Variants in PCDHGA1 observed in about 807,000 individuals in gnomAD.
The protein encoded by PCDHGA1 is protocadherin gamma subfamily A, 1.
PCDHGA1 carries 32 observed loss-of-function variants against 58.0 expected under a neutral mutation model. The ratio of observed to expected loss-of-function variants is 0.55; its 90% CI spans 0.42 to 0.74. PCDHGA1 has a LOEUF of 0.74. Among genes scored for constraint, PCDHGA1 ranks in the 30% least tolerant of loss-of-function variants. PCDHGA1 has a pLI of 0.00. For synonymous variants in PCDHGA1, 498 were observed against 501.1 expected, an observed-to-expected ratio of 0.99 and a Z score of 0.08; for missense variants, 1,205 against 1,182.3, an observed-to-expected ratio of 1.02 and a Z score of -0.28.
chr5:141,509,051 A>G (rs1051961974), intron 3 of PCDHGA1, among the ~76,000 whole-genome samples: 1 of 152,166 alleles, frequency 6.6e-6, no homozygotes, highest in Admixed American at 6.5e-5. Context: ...CCCCGCCCCC[A>G]GAAAGCTCTC....
intron 1 of PCDHGA1, chr5:141,419,942 G>A: frequency 6.2e-7 from 1 of 1,614,070 alleles, no homozygotes. Context: ...CCTGGTGGTG[G>A]CCTTGGCCTT....
At position 141,361,155 on chromosome 5, in the gene PCDHGA1, C is replaced by A. The variant is rs760085788; in HGVS notation, c.2421+28050C>A. On this transcript the variant is annotated intron_variant, in intron 1 of 3. Coordinates refer to ENST00000517417, the MANE Select transcript of PCDHGA1 (RefSeq NM_018912.3). Reference sequence around the variant, plus strand: ...GTATCCAAGTTGAAATTCTTGATGACAACGATTGTGCACCTGAAGTTATTG... The same window carrying A: ...GTATCCAAGTTGAAATTCTTGATGAAAACGATTGTGCACCTGAAGTTATTG... 16 of 1,613,954 alleles carry A rather than the reference C, an allele frequency of 9.9e-6. No homozygotes were observed. In the South Asian group the frequency reaches 1.6e-4, roughly 17 times the overall value.
chr5:141,400,565 A>C (rs766459739), intron 1 of PCDHGA1: 1 of 1,612,948 alleles, frequency 6.2e-7, no homozygotes, highest in South Asian at 1.1e-5. Flanking sequence ...TTACCCACCC[A>C]ATTTTCTGTA....
intron 1 of PCDHGA1, chr5:141,355,063 C>A (rs902736924): frequency 9.1e-6 from 12 of 1,314,416 alleles, no homozygotes; most frequent in Admixed American, 2.9e-5. Flanking sequence ...GGCTCTGGAG[C>A]TTTATGAAAG....
chr5:141,415,959 C>T, intron 1 of PCDHGA1: 3 of 443,810 alleles, frequency 6.8e-6, no homozygotes, highest in Non-Finnish European at 1.1e-5. Context: ...CATATTGAAA[C>T]TCCAGCCCCT....
intron 1 of PCDHGA1, chr5:141,413,112 G>A (rs1589839162): frequency 6.7e-7 from 1 of 1,502,662 alleles, no homozygotes; most frequent in East Asian, 2.3e-5. Flanking sequence ...GAAAGACAAA[G>A]GAACCGGTTG....
In PCDHGA1 at chr5:141,384,503, A is replaced by T. The variant is rs761415530; in HGVS notation, c.2421+51398A>T. On this transcript the variant is annotated intron_variant, in intron 1 of 3. Coordinates refer to ENST00000517417, the MANE Select transcript of PCDHGA1 (RefSeq NM_018912.3). ...GAACTACAACTAAGAGTGACTGCACATGACAGCGGGGACCCGCCTCTCAGC... is the reference window on the plus strand; with the variant it reads ...GAACTACAACTAAGAGTGACTGCACTTGACAGCGGGGACCCGCCTCTCAGC... 155 of 1,614,074 alleles carry T rather than the reference A, an allele frequency of 9.6e-5. No individual in the cohort carries two copies. Among genetic ancestry groups the T allele is most frequent in the Non-Finnish European group, 1.3e-4 (153 of 1,180,026 alleles).
At chr5:141,377,231 A>G (rs1773795281) in intron 1 of PCDHGA1, 2 of 152,072 alleles carry the variant, frequency 1.3e-5, no homozygotes, top group Admixed American at 1.3e-4. Flanking sequence ...GTTTTTTCCT[A>G]CTATGTGACA....
At chr5:141,373,938 A>G (rs553053363) in intron 1 of PCDHGA1, 2 of 705,416 alleles carry the variant, frequency 2.8e-6, no homozygotes, top group Admixed American at 3.6e-5. Context: ...AAAGCAGGAA[A>G]GCTGTGCAGA....
chr5:141,355,151 C>A, intron 1 of PCDHGA1: 1 of 1,548,600 alleles, frequency 6.5e-7, no homozygotes, highest in Middle Eastern at 2.4e-4. Flanking sequence ...GCTCCTCAGG[C>A]CTCGACAGAG....
In PCDHGA1 at chr5:141,432,540, T is replaced by C. The variant is rs147884705; in HGVS notation, c.2422-62267T>C. The C allele has an allele frequency of 1.2e-6, 2 of 1,613,726 alleles. No homozygotes were observed. The highest frequency in any genetic ancestry group is 2.2e-5 in the South Asian group (2 of 91,058). On this transcript the variant is annotated intron_variant, in intron 1 of 3. Transcript: ENST00000517417. The surrounding 1 kb of genome is among the most constrained non-coding windows in gnomAD (Gnocchi z 6.0). ...TACCTGGTGACCAAGGTGGTGGCGG[T>C]GGACAGAGACTCCGGCCAGAACGCC...
chr5:141,352,246 T>C (rs1561502779), intron 1 of PCDHGA1: 3 of 1,614,080 alleles, frequency 1.9e-6, no homozygotes, highest in Non-Finnish European at 2.5e-6. Flanking sequence ...TCTTCGCGGA[T>C]AGCCTGCAAG....
intron 1 of PCDHGA1, chr5:141,433,132 T>A (rs1168186406): frequency 6.2e-7 from 1 of 1,614,122 alleles, no homozygotes; most frequent in Non-Finnish European, 8.5e-7. Context: ...GCGAGCCCCT[T>A]TTGCTGTCAG....
rs1227487225 is a variant in PCDHGA1, at chr5:141,491,275, G to C, written c.2422-3532G>C. The C allele has an allele frequency of 2.5e-6, 4 of 1,614,082 alleles. 1 individual carries two copies. In the South Asian group the frequency reaches 4.4e-5, roughly 18 times the overall value. On this transcript the variant is annotated intron_variant, in intron 1 of 3. Transcript: ENST00000517417. This position sits in a 1 kb window ranked among gnomAD's most constrained non-coding sequence, Gnocchi z 6.9. Reference sequence around the variant, plus strand: ...CCCTGAGGAAATGCCCAAATCCAGTGACTTCCTCATACACCCTCCTGAGCG... The same window carrying C: ...CCCTGAGGAAATGCCCAAATCCAGTCACTTCCTCATACACCCTCCTGAGCG...
chr5:141,428,224 G>T, intron 1 of PCDHGA1: 1 of 1,164,316 alleles, frequency 8.6e-7, no homozygotes, highest in Non-Finnish European at 1.3e-6. Context: ...AGTCTTCGCA[G>T]ACAGCCTGCA....
At chr5:141,384,650 C>G (rs1213467381) in intron 1 of PCDHGA1, 4 of 1,614,222 alleles carry the variant, frequency 2.5e-6, no homozygotes, top group Non-Finnish European at 3.4e-6. Context: ...TCCGCAGAGC[C>G]CGGCTACCTG....
chr5:141,383,861 C>T, intron 1 of PCDHGA1: 2 of 1,613,936 alleles, frequency 1.2e-6, no homozygotes, highest in Non-Finnish European at 8.5e-7. Context: ...GAGGTTCAGG[C>T]TCAAGATGGT....
intron 1 of PCDHGA1, among the ~76,000 whole-genome samples, chr5:141,368,730 A>G (rs1166595138): frequency 6.6e-6 from 1 of 152,208 alleles, no homozygotes; most frequent in Non-Finnish European, 1.5e-5. Context: ...TATGTACTGT[A>G]TATACCATAT....
At chr5:141,361,861 G>C (rs1429521367) in intron 1 of PCDHGA1, 1 of 1,611,994 alleles carries the variant, frequency 6.2e-7, no homozygotes, top group Non-Finnish European at 8.5e-7. Context: ...CGCCCTCTTC[G>C]ATATGGTGCC....
Sources: allele counts gnomAD v4.1 joint callset (sites outside exome capture counted in the v4.1 genomes callset), GRCh38; gene constraint gnomAD v4.1.1; non-coding constraint Gnocchi (gnomAD v3.1); transcripts MANE v1.5; gene names NCBI Gene and HGNC (gene_info 2026-07-23, HGNC 2026-07-21).